The following PRTN3 variants were observed in gnomAD, a reference collection of about 807,000 sequenced individuals.
PRTN3 encodes the protein myeloblastin.
Under a neutral mutation model 20.7 loss-of-function variants are expected in PRTN3, and 22 were observed. That is an observed-to-expected ratio of 1.06 (90% CI 0.76 to 1.52). PRTN3 has a LOEUF of 1.52. PRTN3 is among the 40% of genes most tolerant of loss of function. PRTN3 has a pLI of 0.00. For missense variants in PRTN3, 378 were observed against 359.6 expected (o/e 1.05, Z -0.41); for synonymous variants, 173 against 152.9 (o/e 1.13, Z -0.97).
In PRTN3 at chr19:843,531, C is replaced by T. The variant is rs756110907; in HGVS notation, c.132C>T (p.Ser44=). 1.6e-5 allele frequency: 26 copies of T among 1,595,534 alleles called. No homozygotes were observed. The Admixed American group carries it at 4.0e-4, about 24-fold the overall frequency. The part of the protein sequence containing the change: ...AQPHSRPYMA[S]LQMRGNPGSH... ...CACACTCCCGGCCCTACATGGCCTC[C>T]CTGCAGATGCGGGGGAACCCGGGCA... Residue 44 remains serine, a synonymous_variant, in exon 2 of 5, where the codon TCC becomes TCT. Coordinates refer to ENST00000234347, the MANE Select transcript of PRTN3 (RefSeq NM_002777.4).
At position 843,923 on chromosome 19, in the gene PRTN3, A is replaced by C. The variant is rs1209305217; in HGVS notation, c.258A>C (p.Gly86=). 6.3e-7 allele frequency: 1 copy of C among 1,597,182 alleles called. No homozygotes were observed. The highest frequency in any genetic ancestry group is 1.7e-5 in the Admixed American group (1 of 57,422). Residue 86 remains glycine (G), a synonymous_variant, in exon 3 of 5, where the codon GGA becomes GGC. Transcript: ENST00000234347. ...IPQRLVNVVL[G]AHNVRTQEPT... is the part of the protein sequence containing the mutation. ...AGCGCCTGGTGAACGTGGTGCTCGG[A>C]GCCCACAACGTGCGGACGCAGGAGC...
rs1568301458 is a variant in PRTN3, at chr19:848,096, C to T, written c.*127C>T. 1 of 1,191,004 alleles carries T rather than the reference C, an allele frequency of 8.4e-7. No individual in the cohort carries two copies. Among genetic ancestry groups the T allele is most frequent in the Non-Finnish European group, 1.2e-6 (1 of 868,890 alleles). The allele number at this position is 1,191,004 out of a possible 1,614,324, so 73.8% of individuals were successfully genotyped here. ...CGGGACGGCCCCACCCGTCCCCCCA[C>T]ACTCCCTCCCACGGGGCTCCGGGAG... On this transcript the variant is annotated 3_prime_UTR_variant, in exon 5 of 5. Transcript: ENST00000234347.
Position 848,124 on chromosome 19 carries a change from AGGCC to A in PRTN3, c.*160_*163del. The A allele has an allele frequency of 1.1e-6, 1 of 943,248 alleles. No individual in the cohort carries two copies. The highest frequency in any genetic ancestry group is 1.5e-6 in the Non-Finnish European group (1 of 648,732). 58.4% of individuals were successfully genotyped at this position (943,248 alleles called of 1,614,324 possible). A position where few individuals can be genotyped will look rare whatever the true frequency, so the allele number is the denominator to read the frequency against. ...TCCCTCCCACGGGGCTCCGGGAGAC[AGGCC>A]GGCCCTGCACCTCACCCCACCGTGA... On this transcript the variant is annotated 3_prime_UTR_variant, in exon 5 of 5. Coordinates refer to ENST00000234347, the MANE Select transcript of PRTN3 (RefSeq NM_002777.4).
intron 4 of PRTN3, 23 bp downstream of exon 4, chr19:846,400 C>T (rs371696237): frequency 9.7e-6 from 15 of 1,542,718 alleles, no homozygotes; most frequent in African/African-American, 2.8e-5. Flanking sequence ...GCCCCCACCC[C>T]GGGCACCGGG....
intron 3 of PRTN3, among the ~76,000 whole-genome samples, chr19:845,575 G>A (rs866259664): frequency 6.6e-6 from 1 of 151,922 alleles, no homozygotes; most frequent in Non-Finnish European, 1.5e-5. Context: ...TTAGCTGGGC[G>A]TGACGGCAGG....
intron 4 of PRTN3, among the ~76,000 whole-genome samples, chr19:846,830 C>CCTCCCAGGTTCAAGGTATT (rs2035524208): frequency 1.3e-5 from 2 of 152,096 alleles, no homozygotes; most frequent in South Asian, 4.1e-4. Flanking sequence ...GCAACCTCCA[C>CCTCCCAGGTTCAAGGTATT]CTCCCAGGTT....
At chr19:847,555 A>AAGAAAGAAAG (rs764122589) in intron 4 of PRTN3, among the ~76,000 whole-genome samples, 3 of 115,826 alleles carry the variant, frequency 2.6e-5, no homozygotes, top group Non-Finnish European at 1.8e-5. Context: ...AAGAAAAAGA[A>AAGAAAGAAAG]AGAGAGAGAG....
chr19:846,484 C>G, intron 4 of PRTN3, 107 bp downstream of exon 4: 1 of 1,164,856 alleles, frequency 8.6e-7, no homozygotes, highest in Non-Finnish European at 1.2e-6. Flanking sequence ...TGCTGTGCCT[C>G]AGTCTCCCCA....
chr19:846,397 C>A lies in PRTN3; in HGVS notation c.600+20C>A. ...TGCTTCGTAAGTAACCGTGCCCCCACCCCGGGCACCGGGCTGCCATGAGGG... is the reference window on the plus strand; with the variant it reads ...TGCTTCGTAAGTAACCGTGCCCCCAACCCGGGCACCGGGCTGCCATGAGGG... On this transcript the variant is annotated intron_variant, in intron 4 of 4. Transcript: ENST00000234347. 5 of 1,544,492 alleles carry A rather than the reference C, an allele frequency of 3.2e-6. No homozygotes were observed. The highest frequency in any genetic ancestry group is 3.5e-6 in the Non-Finnish European group (4 of 1,143,612).
intron 1 of PRTN3, among the ~76,000 whole-genome samples, chr19:842,802 G>T (rs2145125734): frequency 6.6e-6 from 1 of 152,094 alleles, no homozygotes; most frequent in Non-Finnish European, 1.5e-5. Flanking sequence ...TGGCCAGGAT[G>T]GTCTCCATCT....
chr19:841,731 CTTTTTT>C, intron 1 of PRTN3, among the ~76,000 whole-genome samples: 1 of 130,160 alleles, frequency 7.7e-6, no homozygotes, highest in Admixed American at 8.1e-5. Flanking sequence ...TTTTCTTTTT[CTTTTTT>C]TTTTTTTTGA....
chr19:844,079 G>C (rs551484298), intron 3 of PRTN3, 45 bp downstream of exon 3: 1 of 1,549,750 alleles, frequency 6.5e-7, no homozygotes, highest in Admixed American at 2.0e-5. Flanking sequence ...ACGGCCAGAG[G>C]GCTCCGGGAC....
rs145358114 is a variant in PRTN3, at chr19:843,597, G to A, written c.198G>A (p.Val66=). The change falls in exon 2 of 5, where the codon GTG becomes GTA. Residue 66 remains valine, a synonymous_variant. Transcript: ENST00000234347. ...CGGTLIHPSF[V]LTAAHCLRDI... ...GCACCTTGATCCACCCCAGCTTCGT[G>A]CTGACGGCCGCGCACTGCCTGCGGG... 1 of 1,597,974 alleles carries A rather than the reference G, an allele frequency of 6.3e-7. No homozygotes were observed. Among genetic ancestry groups the A allele is most frequent in the Non-Finnish European group, 8.5e-7 (1 of 1,176,758 alleles).
In PRTN3 at chr19:847,942, C is replaced by A. The variant is rs1347264372; in HGVS notation, c.744C>A (p.Arg248=). 2 of 1,605,168 alleles carry A rather than the reference C, an allele frequency of 1.2e-6. No homozygotes were observed. The highest frequency in any genetic ancestry group is 1.7e-6 in the Non-Finnish European group (2 of 1,175,866). The part of the protein sequence containing the change: ...LYVDWIRSTL[R]RVEAKGRP Reference sequence around the variant, plus strand: ...TGGACTGGATCCGTTCCACGCTGCGCCGTGTGGAGGCCAAGGGCCGCCCCT... The same window carrying A: ...TGGACTGGATCCGTTCCACGCTGCGACGTGTGGAGGCCAAGGGCCGCCCCT... The change falls in exon 5 of 5, where the codon CGC becomes CGA. Residue 248 remains arginine, a synonymous_variant. Transcript: ENST00000234347.
intron 3 of PRTN3, among the ~76,000 whole-genome samples, 156 bp downstream of exon 3, chr19:844,190 G>C (rs148866427): frequency 6.9e-6 from 1 of 144,070 alleles, no homozygotes; most frequent in Non-Finnish European, 1.5e-5. Context: ...GGGGGAGACC[G>C]CTCCTTGGAC....
chr19:843,322 G>A (rs2035468382), intron 1 of PRTN3, 139 bp from the exon 2 acceptor site: 1 of 914,100 alleles, frequency 1.1e-6, no homozygotes, highest in Admixed American at 3.1e-5. Flanking sequence ...TGGGCGCTGA[G>A]TCCTTCCCAC....
intron 1 of PRTN3, among the ~76,000 whole-genome samples, chr19:841,749 A>G (rs1228554619): frequency 1.6e-5 from 2 of 122,510 alleles, no homozygotes; most frequent in African/African-American, 3.1e-5. Context: ...TTTTTTTGAG[A>G]CGGAGTCTCG....
rs781190531 is a variant in PRTN3 at position 843,496 on chromosome 19, G to C, written c.97G>C (p.Glu33Gln). 6.3e-7 allele frequency: 1 copy of C among 1,583,154 alleles called. No individual in the cohort carries two copies. The highest frequency in any genetic ancestry group is 8.6e-7 in the Non-Finnish European group (1 of 1,168,470). ...ARAAEIVGGHEAQPHSRPYMA... is the reference protein window; with the variant it reads ...ARAAEIVGGHQAQPHSRPYMA... ...AGCTGCGGAGATCGTGGGCGGGCAC[G>C]AGGCGCAGCCACACTCCCGGCCCTA... is the stretch of plus-strand genomic sequence containing the variant. Residue 33 changes from glutamate (E) to glutamine (Q), a missense_variant, in exon 2 of 5, where the codon GAG becomes CAG. Transcript: ENST00000234347.
chr19:847,700 G>A (rs536996452), intron 4 of PRTN3, 99 bp from the exon 5 acceptor site: 39 of 1,422,712 alleles, frequency 2.7e-5, no homozygotes, highest in Middle Eastern at 2.5e-4. Flanking sequence ...CCATCCTCCC[G>A]GGAGACTCAG....
Sources: allele counts gnomAD v4.1 joint callset (sites outside exome capture counted in the v4.1 genomes callset), GRCh38; gene constraint gnomAD v4.1.1; transcripts MANE v1.5; gene names NCBI Gene and HGNC (gene_info 2026-07-23, HGNC 2026-07-21).